Variants in GORASP1 observed in about 807,000 individuals in gnomAD.
The protein encoded by GORASP1 is golgi reassembly stacking protein 1.
In GORASP1, 31 loss-of-function variants were observed where a neutral mutation model predicts 37.7. That is an observed-to-expected ratio of 0.82 (90% confidence interval 0.62 to 1.11). The LOEUF is 1.11. GORASP1 is among the 50% of genes least tolerant of loss of function. GORASP1 has a pLI of 0.00. For synonymous variants in GORASP1, 204 were observed against 224.8 expected, an observed-to-expected ratio of 0.91 and a Z score of 0.83; for missense variants, 476 against 560.7, an observed-to-expected ratio of 0.85 and a Z score of 1.53.
intron 6 of GORASP1, among the ~76,000 whole-genome samples, chr3:39,099,872 A>G (rs2035586399): frequency 6.6e-6 from 1 of 152,092 alleles, no homozygotes; most frequent in African/African-American, 2.4e-5. Flanking sequence ...CCTGGCCTAG[A>G]CCCAAGGCAC....
Position 39,098,561 on chromosome 3 carries a change from A to C in GORASP1, c.1070-72T>G. On this transcript the variant is annotated intron_variant, in intron 8 of 8. Coordinates refer to ENST00000319283, the MANE Select transcript of GORASP1 (RefSeq NM_031899.4). The surrounding 1 kb of genome is among the most constrained non-coding windows in gnomAD (Gnocchi z 4.7). ...CCATGGTGTTAGGGCCAGTAACCCC[A>C]CCGACCGCTCCCCATTGCCACTCCA... 3.9e-6 allele frequency: 6 copies of C among 1,544,492 alleles called. No homozygotes were observed. The South Asian group carries it at 7.5e-5, about 19-fold the overall frequency.
Position 39,103,019 on chromosome 3 carries a change from T to C in GORASP1, c.145-138A>G, listed in dbSNP as rs2035819289. On this transcript the variant is annotated intron_variant, in intron 2 of 8. Transcript: ENST00000319283. This position sits in a 1 kb window ranked among gnomAD's most constrained non-coding sequence, Gnocchi z 5.2. Reference sequence around the variant, plus strand: ...GGGTCACTGTGGGGATGGGCCAAGGTAGTGGATGGGCCAGGTTCACAGACC... The same window carrying C: ...GGGTCACTGTGGGGATGGGCCAAGGCAGTGGATGGGCCAGGTTCACAGACC... 1.2e-6 allele frequency: 1 copy of C among 806,010 alleles called. No individual in the cohort carries two copies. Among genetic ancestry groups the C allele is most frequent in the Non-Finnish European group, 2.1e-6 (1 of 472,162 alleles). The allele number at this position is 806,010 out of a possible 1,614,324, so 49.9% of individuals were successfully genotyped here. A position where few individuals can be genotyped will look rare whatever the true frequency, so the allele number is the denominator to read the frequency against.
Position 39,098,689 on chromosome 3 carries a change from C to A in GORASP1, c.1069+52G>T. 1 of 1,591,100 alleles carries A rather than the reference C, an allele frequency of 6.3e-7. No homozygotes were observed. The highest frequency in any genetic ancestry group is 8.6e-7 in the Non-Finnish European group (1 of 1,167,946). Reference sequence around the variant, plus strand: ...AGCTGAGGAATTGAGGGCAGCCTTCCCAACAACCCGGGGTCCTTCCCAGAG... The same window carrying A: ...AGCTGAGGAATTGAGGGCAGCCTTCACAACAACCCGGGGTCCTTCCCAGAG... On this transcript the variant is annotated intron_variant, in intron 8 of 8. Coordinates refer to ENST00000319283, the MANE Select transcript of GORASP1 (RefSeq NM_031899.4). This position sits in a 1 kb window ranked among gnomAD's most constrained non-coding sequence, Gnocchi z 4.7.
At position 39,098,156 on chromosome 3, in the gene GORASP1, C is replaced by A; in HGVS notation, c.*80G>T. On this transcript the variant is annotated 3_prime_UTR_variant, in exon 9 of 9. Transcript: ENST00000319283. The surrounding 1 kb of genome is among the most constrained non-coding windows in gnomAD (Gnocchi z 4.7). The stretch of plus-strand genomic sequence containing the variant: ...CCACCAAAGCAGCAAGGAATCCTGA[C>A]CGCATAGTGCAGCCCGGGCTGCCTG... 6.6e-7 allele frequency: 1 copy of A among 1,511,904 alleles called. No homozygotes were observed. The highest frequency in any genetic ancestry group is 1.3e-5 in the South Asian group (1 of 79,552). 93.7% of individuals were successfully genotyped at this position (1,511,904 alleles called of 1,614,324 possible).
chr3:39,100,911 C>T lies in GORASP1; in HGVS notation c.436-34G>A, dbSNP rs773616946. 2.5e-6 allele frequency: 4 copies of T among 1,614,104 alleles called. No homozygotes were observed. In the East Asian group the frequency reaches 8.9e-5, roughly 36 times the overall value. On this transcript the variant is annotated intron_variant, in intron 4 of 8. Coordinates refer to ENST00000319283, the MANE Select transcript of GORASP1 (RefSeq NM_031899.4). This position sits in a 1 kb window ranked among gnomAD's most constrained non-coding sequence, Gnocchi z 4.6. ...AACGCATAGCACCTGAGGCCTGCTT[C>T]CAGGGCTAAAGCCTCAACAAAACCA...
intron 6 of GORASP1, among the ~76,000 whole-genome samples, chr3:39,099,835 A>T (rs926318616): frequency 6.6e-6 from 1 of 152,168 alleles, no homozygotes; most frequent in African/African-American, 2.4e-5. Context: ...GAATTCAGGC[A>T]TACCTGGAGA....
At chr3:39,099,820 T>C (rs1260601001) in intron 6 of GORASP1, among the ~76,000 whole-genome samples, 2 of 152,142 alleles carry the variant, frequency 1.3e-5, no homozygotes, top group Non-Finnish European at 2.9e-5. Flanking sequence ...GAGAGGGGCT[T>C]CCTTGAATTC....
At chr3:39,101,144 TGGGGTTG>T (rs2035683266) in intron 3 of GORASP1, 42 bp from the exon 4 acceptor site, 12 of 1,584,260 alleles carry the variant, frequency 7.6e-6, no homozygotes, top group Non-Finnish European at 1.0e-5. Flanking sequence ...CTACTAGAGG[TGGGGTTG>T]GGGGATGGGA....
chr3:39,097,192 A>G lies in GORASP1; in HGVS notation c.*1044T>C, dbSNP rs1429790409. Reference sequence around the variant, plus strand: ...TTACAAATGATCCTGTAAAGGTGAGACTTTCAACTAGGCACAAGCTAGAAG... The same window carrying G: ...TTACAAATGATCCTGTAAAGGTGAGGCTTTCAACTAGGCACAAGCTAGAAG... On this transcript the variant is annotated 3_prime_UTR_variant, in exon 9 of 9. Transcript: ENST00000319283. 6.6e-6 allele frequency: 1 copy of G among 152,198 alleles called. No individual in the cohort carries two copies. The highest frequency in any genetic ancestry group is 2.4e-5 in the African/African-American group (1 of 41,446). 9.4% of individuals were successfully genotyped at this position (152,198 alleles called of 1,614,324 possible).
At position 39,099,411 on chromosome 3, in the gene GORASP1, G is replaced by C. The variant is rs543330301; in HGVS notation, c.858C>G (p.Pro286=). The change falls in exon 7 of 9, where the codon CCC becomes CCG. Residue 286 remains proline (P), a synonymous_variant. Transcript: ENST00000319283. ...GCTGAAGAGGAGTCTCCATGAAATGGGGAAGTCCATCAGGGTCTGGAGCAC... is the reference window on the plus strand; with the variant it reads ...GCTGAAGAGGAGTCTCCATGAAATGCGGAAGTCCATCAGGGTCTGGAGCAC... The part of the protein sequence containing the change: ...SHSAPDPDGL[P]HFMETPLQPP... The C allele has an allele frequency of 2.9e-4, 470 of 1,613,272 alleles. 2 individuals are homozygous for C. The South Asian group carries it at 3.9e-3, about 13-fold the overall frequency.
At chr3:39,099,035 A>G (rs926885417) in intron 7 of GORASP1, 142 bp from the exon 8 acceptor site, 10 of 1,116,190 alleles carry the variant, frequency 9.0e-6, no homozygotes, top group East Asian at 2.5e-5. Context: ...CCCTCACCCA[A>G]CCTCAAAGAG....
In GORASP1 at chr3:39,107,571, A is replaced by T; in HGVS notation, c.-30T>A. ...GCGGCTCCGCTCGGCACCCAGGTCC[A>T]GTCCCGCTGCGCCTACCCGGACCGA... is the stretch of plus-strand genomic sequence containing the variant. On this transcript the variant is annotated 5_prime_UTR_variant, in exon 1 of 9. Coordinates refer to ENST00000319283, the MANE Select transcript of GORASP1 (RefSeq NM_031899.4). The T allele has an allele frequency of 6.7e-7, 1 of 1,487,062 alleles. No homozygotes were observed. The highest frequency in any genetic ancestry group is 8.9e-7 in the Non-Finnish European group (1 of 1,127,726). 92.1% of individuals were successfully genotyped at this position (1,487,062 alleles called of 1,614,324 possible).
chr3:39,097,900 G>GGGGTGGGCTGA lies in GORASP1; in HGVS notation c.*325_*335dup, dbSNP rs1226313916. 1.8e-5 allele frequency: 5 copies of GGGGTGGGCTGA among 280,654 alleles called. No individual in the cohort carries two copies. The highest frequency in any genetic ancestry group is 3.4e-5 in the Non-Finnish European group (5 of 148,856). 17.4% of individuals were successfully genotyped at this position (280,654 alleles called of 1,614,324 possible). ...CTCCAGGGTCCCTTCCAGTACAGAT[G>GGGGTGGGCTGA]GGGTGGGCTGAGCTGTGCAGGAAGA... On this transcript the variant is annotated 3_prime_UTR_variant, in exon 9 of 9. Transcript: ENST00000319283.
In GORASP1 at chr3:39,103,851, G is replaced by A; in HGVS notation, c.64-298C>T. 3.2e-6 allele frequency: 1 copy of A among 315,644 alleles called. No homozygotes were observed. Among genetic ancestry groups the A allele is most frequent in the Non-Finnish European group, 5.8e-6 (1 of 171,072 alleles). The allele number at this position is 315,644 out of a possible 1,614,324, so 19.6% of individuals were successfully genotyped here. ...CAGGAGGCAATATGGAGACAGGCTG[G>A]CCCAGGCCTGTGGGAATGCTGCTCT... On this transcript the variant is annotated intron_variant, in intron 1 of 8. Transcript: ENST00000319283. The surrounding 1 kb of genome is among the most constrained non-coding windows in gnomAD (Gnocchi z 5.2).
At position 39,103,566 on chromosome 3, in the gene GORASP1, A is replaced by G. The variant is rs2035855261; in HGVS notation, c.64-13T>C. On this transcript the variant is annotated splice_polypyrimidine_tract_variant and intron_variant, in intron 1 of 8. Transcript: ENST00000319283. The surrounding 1 kb of genome is among the most constrained non-coding windows in gnomAD (Gnocchi z 5.2). ...AGTTCTCCTGCACCTATCCCACAGCAAAGACCACAGTCACTGCGCCAACCC... is the reference window on the plus strand; with the variant it reads ...AGTTCTCCTGCACCTATCCCACAGCGAAGACCACAGTCACTGCGCCAACCC... The G allele has an allele frequency of 1.2e-6, 2 of 1,606,354 alleles. No individual in the cohort carries two copies. Among genetic ancestry groups the G allele is most frequent in the African/African-American group, 1.3e-5 (1 of 74,510 alleles).
Position 39,102,394 on chromosome 3 carries a change from G to A in GORASP1, c.348+284C>T, listed in dbSNP as rs1348264181. 1.8e-6 allele frequency: 1 copy of A among 541,044 alleles called. No homozygotes were observed. The allele number at this position is 541,044 out of a possible 1,614,324, so 33.5% of individuals were successfully genotyped here. A position where few individuals can be genotyped will look rare whatever the true frequency, so the allele number is the denominator to read the frequency against. On this transcript the variant is annotated intron_variant, in intron 3 of 8. Coordinates refer to ENST00000319283, the MANE Select transcript of GORASP1 (RefSeq NM_031899.4). The surrounding 1 kb of genome is among the most constrained non-coding windows in gnomAD (Gnocchi z 5.0). Reference sequence around the variant, plus strand: ...CAGCAGTCCAACCACCATTCCAGTAGATGATATTTCTACCTTTCAAATTAA... The same window carrying A: ...CAGCAGTCCAACCACCATTCCAGTAAATGATATTTCTACCTTTCAAATTAA...
rs1268606254 is a variant in GORASP1, at chr3:39,097,141, G to T, written c.*1095C>A. ...TTGTCCTGCATACCTGACACAGCTT[G>T]TGAGTTCCCTGCATGTACACCAGCA... On this transcript the variant is annotated 3_prime_UTR_variant, in exon 9 of 9. Transcript: ENST00000319283. 1 of 152,264 alleles carries T rather than the reference G, an allele frequency of 6.6e-6. No individual in the cohort carries two copies. 9.4% of individuals were successfully genotyped at this position (152,264 alleles called of 1,614,324 possible).
chr3:39,098,960 C>T lies in GORASP1; in HGVS notation c.917-67G>A. The T allele has an allele frequency of 6.3e-7, 1 of 1,588,886 alleles. No homozygotes were observed. Among genetic ancestry groups the T allele is most frequent in the Non-Finnish European group, 8.6e-7 (1 of 1,165,968 alleles). On this transcript the variant is annotated intron_variant, in intron 7 of 8. Transcript: ENST00000319283. The surrounding 1 kb of genome is among the most constrained non-coding windows in gnomAD (Gnocchi z 4.7). ...GACTGCTGGAAAGCAGCACCCTGGG[C>T]TCACCTTGCCTAGGGCATCTGGCCC...
At chr3:39,106,300 G>A (rs55732560) in intron 1 of GORASP1, among the ~76,000 whole-genome samples, 12,543 of 152,056 alleles carry the variant, frequency 0.082, 734 homozygotes, top group African/African-American at 0.16. Context: ...TCTCCATCAG[G>A]CAGGCCCCTC....
Sources: allele counts gnomAD v4.1 joint callset (sites outside exome capture counted in the v4.1 genomes callset), GRCh38; gene constraint gnomAD v4.1.1; non-coding constraint Gnocchi (gnomAD v3.1); transcripts MANE v1.5; gene names NCBI Gene and HGNC (gene_info 2026-07-23, HGNC 2026-07-21).